The following ZCCHC14 variants were observed in gnomAD, a reference collection of about 807,000 sequenced individuals.
ZCCHC14 encodes the protein zinc finger CCHC-type containing 14, also known as zinc finger CCHC domain-containing protein 14.
In ZCCHC14, 16 loss-of-function variants were observed where a neutral mutation model predicts 85.0. That is an observed-to-expected ratio of 0.19 (90% CI 0.13 to 0.29). The LOEUF (loss-of-function observed/expected upper bound fraction) is 0.29. Among genes scored for constraint, ZCCHC14 ranks in the 10% least tolerant of loss-of-function variants. The probability of loss-of-function intolerance (pLI) is 1.00; values close to 1 mark genes in which losing one functional copy is unlikely to be tolerated. For synonymous variants in ZCCHC14, 775 were observed against 630.7 expected (o/e 1.23, Z -3.43); for missense variants, 1,303 against 1,443.5 (o/e 0.90, Z 1.58).
chr16:87,453,587 C>T (rs538197829), intron 2 of ZCCHC14, among the ~76,000 whole-genome samples: 8 of 152,326 alleles, frequency 5.3e-5, no homozygotes, highest in Admixed American at 5.2e-4. Flanking sequence ...GGTGGAGGGC[C>T]GACTTCGCAC....
At chr16:87,478,927 C>T (rs1243868816) in intron 1 of ZCCHC14, among the ~76,000 whole-genome samples, 1 of 152,078 alleles carries the variant, frequency 6.6e-6, no homozygotes, top group South Asian at 2.1e-4. Flanking sequence ...TTTACTATAA[C>T]TAGGTTGTTA....
chr16:87,444,501 G>A (rs1910338048), intron 2 of ZCCHC14, among the ~76,000 whole-genome samples: 1 of 152,192 alleles, frequency 6.6e-6, no homozygotes, highest in Non-Finnish European at 1.5e-5. Context: ...TAGTTAGAAA[G>A]TAATTTTTAC....
chr16:87,409,489 C>T lies in ZCCHC14; in HGVS notation c.*791G>A, dbSNP rs903719002. 1 of 152,232 alleles carries T rather than the reference C, an allele frequency of 6.6e-6. No homozygotes were observed. The highest frequency in any genetic ancestry group is 1.5e-5 in the Non-Finnish European group (1 of 68,044). 9.4% of individuals were successfully genotyped at this position (152,232 alleles called of 1,614,324 possible). ...AAAGATACTCTCAAAGCTTTGACGA[C>T]TATGGATTCTCTGGGACTTGGACCC... On this transcript the variant is annotated 3_prime_UTR_variant, in exon 13 of 13. Transcript: ENST00000671377.
chr16:87,478,847 C>T (rs577104681), intron 1 of ZCCHC14, among the ~76,000 whole-genome samples: 2 of 152,072 alleles, frequency 1.3e-5, no homozygotes, highest in South Asian at 2.1e-4. Flanking sequence ...CCTTGTGATC[C>T]GCCCGCCTCG....
chr16:87,469,013 A>T (rs1355734437), intron 1 of ZCCHC14, among the ~76,000 whole-genome samples: 2 of 152,258 alleles, frequency 1.3e-5, no homozygotes, highest in African/African-American at 4.8e-5. Context: ...CCAGGTGCCA[A>T]TGGAATGCCT....
At chr16:87,487,083 C>A (rs543005181) in intron 1 of ZCCHC14, among the ~76,000 whole-genome samples, 1 of 152,184 alleles carries the variant, frequency 6.6e-6, no homozygotes, top group Non-Finnish European at 1.5e-5. Flanking sequence ...CGAAAAGCAA[C>A]GAAGCAAAAG....
At chr16:87,410,471 T>TC (rs1220524682) in intron 12 of ZCCHC14, 136 bp from the exon 13 acceptor site, 13 of 541,998 alleles carry the variant, frequency 2.4e-5, no homozygotes, top group Non-Finnish European at 4.3e-5. Flanking sequence ...CCTGACCGTT[T>TC]CTACTCCCTT....
At chr16:87,418,720 C>A in intron 7 of ZCCHC14, 127 bp downstream of exon 7, 1 of 975,494 alleles carries the variant, frequency 1.0e-6, no homozygotes, top group Admixed American at 2.1e-5. Flanking sequence ...CTACTCAATT[C>A]TTCTCAATAT....
At chr16:87,490,973 G>T (rs770229038) in intron 1 of ZCCHC14, among the ~76,000 whole-genome samples, 1 of 152,232 alleles carries the variant, frequency 6.6e-6, no homozygotes, top group African/African-American at 2.4e-5. Context: ...GCTCAGACGG[G>T]GAAGCCCCAG....
At chr16:87,433,836 G>A (rs1909782019) in intron 2 of ZCCHC14, among the ~76,000 whole-genome samples, 1 of 151,162 alleles carries the variant, frequency 6.6e-6, no homozygotes, top group South Asian at 2.1e-4. Flanking sequence ...AAGAGATGGG[G>A]TTTTGCCATG....
chr16:87,426,999 C>T (rs185804428), intron 3 of ZCCHC14, among the ~76,000 whole-genome samples: 14 of 152,336 alleles, frequency 9.2e-5, no homozygotes, highest in African/African-American at 3.1e-4. Flanking sequence ...AAAAACCCGA[C>T]GGGACGCGGG....
At position 87,420,281 on chromosome 16, in the gene ZCCHC14, G is replaced by C. The variant is rs181895999; in HGVS notation, c.950+326C>G. Reference sequence around the variant, plus strand: ...GAGGGTCCAGAGAAACTGTTTAAGAGACGCCAATTTTATCTGGGAATAGTC... The same window carrying C: ...GAGGGTCCAGAGAAACTGTTTAAGACACGCCAATTTTATCTGGGAATAGTC... On this transcript the variant is annotated intron_variant, in intron 5 of 12. Coordinates refer to ENST00000671377, the MANE Select transcript of ZCCHC14 (RefSeq NM_015144.3). The surrounding 1 kb of genome is among the most constrained non-coding windows in gnomAD (Gnocchi z 5.0). 6.6e-6 allele frequency among the ~76,000 whole-genome samples: 1 copy of C among 152,212 alleles called. No homozygotes were observed. Among genetic ancestry groups the C allele is most frequent in the Admixed American group, 6.5e-5 (1 of 15,276 alleles).
Position 87,420,897 on chromosome 16 carries a change from A to C in ZCCHC14, c.841-181T>G, listed in dbSNP as rs1301194735. On this transcript the variant is annotated intron_variant, in intron 4 of 12. Coordinates refer to ENST00000671377, the MANE Select transcript of ZCCHC14 (RefSeq NM_015144.3). This position sits in a 1 kb window ranked among gnomAD's most constrained non-coding sequence, Gnocchi z 5.0. ...ATCCACTTAGGGTGTAGAAAGTCAC[A>C]AAAGAACATCGCTCTCACAGTTACA... 6.6e-6 allele frequency among the ~76,000 whole-genome samples: 1 copy of C among 152,244 alleles called. No individual in the cohort carries two copies. Among genetic ancestry groups the C allele is most frequent in the Non-Finnish European group, 1.5e-5 (1 of 68,050 alleles).
At chr16:87,425,010 CA>C (rs1310774621) in intron 3 of ZCCHC14, among the ~76,000 whole-genome samples, 1 of 152,194 alleles carries the variant, frequency 6.6e-6, no homozygotes, top group African/African-American at 2.4e-5. Context: ...CACCCACACC[CA>C]CACCCACATC....
intron 2 of ZCCHC14, among the ~76,000 whole-genome samples, chr16:87,450,487 C>T (rs2150751051): frequency 6.6e-6 from 1 of 151,292 alleles, no homozygotes; most frequent in South Asian, 2.1e-4. Flanking sequence ...AGCTACATTG[C>T]ATTAATTTCA....
intron 1 of ZCCHC14, chr16:87,467,182 C>T (rs1282424115): frequency 8.8e-6 from 12 of 1,371,160 alleles, no homozygotes; most frequent in African/African-American, 8.7e-5. Flanking sequence ...TCTCCTCTGG[C>T]GGGAGAAGAC....
rs1223309058 is a variant in ZCCHC14 at position 87,492,311 on chromosome 16, C to T, written c.-73G>A. 7 of 794,492 alleles carry T rather than the reference C, an allele frequency of 8.8e-6. No individual in the cohort carries two copies. The South Asian group carries it at 2.3e-4, about 26-fold the overall frequency. The allele number at this position is 794,492 out of a possible 1,614,324, so 49.2% of individuals were successfully genotyped here. On this transcript the variant is annotated 5_prime_UTR_variant, in exon 1 of 13. Transcript: ENST00000671377. This position sits in a 1 kb window ranked among gnomAD's most constrained non-coding sequence, Gnocchi z 6.7. ...GGCGGCCGGGGGGCGCCGGGGGCCG[C>T]GGCCGGGGCGCGCCGGGACCGGGGA...
chr16:87,423,111 C>T (rs752533613), intron 4 of ZCCHC14, among the ~76,000 whole-genome samples: 12 of 152,254 alleles, frequency 7.9e-5, no homozygotes, highest in South Asian at 2.1e-4. Context: ...GCCTGAGAGG[C>T]ATCACTTTGG....
rs748974791 is a variant in ZCCHC14, at chr16:87,411,899, ACAGT to A, written c.2818_2821del (p.Thr940SerfsTer61). 1.9e-6 allele frequency: 3 copies of A among 1,595,330 alleles called. No individual in the cohort carries two copies. The highest frequency in any genetic ancestry group is 1.3e-5 in the African/African-American group (1 of 74,786). ...GTGCTGGAAGTAGTTGGCGTAGCTG[ACAGT>A]CAGGCCACTCGAGCCGCAGCTGCCG... On this transcript the variant is annotated frameshift_variant, in exon 12 of 13. Coordinates refer to ENST00000671377, the MANE Select transcript of ZCCHC14 (RefSeq NM_015144.3). LOFTEE classifies it high-confidence loss of function.
Sources: gnomAD v4.1 joint callset for allele counts (sites outside exome capture counted in the v4.1 genomes callset) on GRCh38, gnomAD v4.1.1 for gene constraint, Gnocchi (gnomAD v3.1) non-coding constraint, MANE v1.5 for transcripts, NCBI Gene and HGNC (gene_info 2026-07-23, HGNC 2026-07-21) for gene names.